ABCE1: variants seen among roughly 807,000 people sequenced by gnomAD.
ABCE1 encodes the protein ATP binding cassette subfamily E member 1.
In ABCE1, 22 loss-of-function variants were observed where a neutral mutation model predicts 83.4. The observed-to-expected ratio is 0.26, with a 90% CI of 0.19 to 0.38. The LOEUF (loss-of-function observed/expected upper bound fraction) is 0.38. Ranked by LOEUF, ABCE1 falls within the 10% of genes least tolerant of loss-of-function variation. The pLI is 1.00. For synonymous variants in ABCE1, 204 were observed against 233.7 expected (o/e 0.87, Z 1.16); for missense variants, 330 against 721.9 (o/e 0.46, Z 6.22).
chr4:145,119,187 G>A (rs946655125), intron 10 of ABCE1, among the ~76,000 whole-genome samples: 2 of 151,824 alleles, frequency 1.3e-5, no homozygotes, highest in Non-Finnish European at 3.0e-5. Flanking sequence ...CAAATAAAAT[G>A]AATAACGTCA....
At chr4:145,115,723 A>C (rs1004319597) in intron 9 of ABCE1, among the ~76,000 whole-genome samples, 2 of 151,954 alleles carry the variant, frequency 1.3e-5, no homozygotes, top group Non-Finnish European at 2.9e-5. Flanking sequence ...CAACATAGAG[A>C]TAGAACATTT....
Position 145,108,113 on chromosome 4 carries a change from G to A in ABCE1, c.287+1G>A. On this transcript the variant is annotated splice_donor_variant, in intron 4 of 17. Transcript: ENST00000296577. LOFTEE classifies it high-confidence loss of function. ...GTGCCAATGCCTTCAAACTTCACAG[G>A]TATATTTTCACATCAGGATTCCTCT... The A allele has an allele frequency of 1.9e-6, 3 of 1,610,934 alleles. No individual in the cohort carries two copies. Among genetic ancestry groups the A allele is most frequent in the Non-Finnish European group, 2.5e-6 (3 of 1,177,806 alleles).
chr4:145,120,259 C>A, intron 11 of ABCE1, 106 bp downstream of exon 11: 1 of 975,518 alleles, frequency 1.0e-6, no homozygotes, highest in Non-Finnish European at 1.5e-6. Context: ...GGGCTAGAAG[C>A]AGAGTTTTAT....
chr4:145,103,254 T>A (rs1318211199), intron 1 of ABCE1, among the ~76,000 whole-genome samples: 1 of 152,048 alleles, frequency 6.6e-6, no homozygotes, highest in African/African-American at 2.4e-5. Context: ...TTAAAAAAAA[T>A]AAAATAAAAT....
At chr4:145,108,509 C>T (rs924375611) in intron 4 of ABCE1, among the ~76,000 whole-genome samples, 1 of 152,148 alleles carries the variant, frequency 6.6e-6, no homozygotes, top group African/African-American at 2.4e-5. Flanking sequence ...ATCTTATGAT[C>T]TACAGAGAAT....
chr4:145,098,930 A>G (rs1749001536), intron 1 of ABCE1, among the ~76,000 whole-genome samples: 1 of 152,236 alleles, frequency 6.6e-6, no homozygotes, highest in African/African-American at 2.4e-5. Flanking sequence ...GTCCACTCCC[A>G]GGCTTTATAG....
chr4:145,110,760 C>A (rs1270306137), intron 7 of ABCE1: 4 of 545,068 alleles, frequency 7.3e-6, no homozygotes, highest in African/African-American at 5.8e-5. Context: ...CTGCGCCCGG[C>A]CATTTTGTGT....
At chr4:145,126,898 A>G (rs1434040725) in intron 17 of ABCE1, among the ~76,000 whole-genome samples, 1 of 152,136 alleles carries the variant, frequency 6.6e-6, no homozygotes, top group African/African-American at 2.4e-5. Flanking sequence ...CATAAAATTG[A>G]AGAGTTTTCT....
At chr4:145,108,974 GT>G (rs2126703263) in intron 4 of ABCE1, among the ~76,000 whole-genome samples, 157 bp from the exon 5 acceptor site, 1 of 152,212 alleles carries the variant, frequency 6.6e-6, no homozygotes, top group East Asian at 1.9e-4. Context: ...AATCTTGGCT[GT>G]TTTTTTCCTA....
chr4:145,122,008 G>A lies in ABCE1; in HGVS notation c.1263+617G>A, dbSNP rs529681216. The A allele has an allele frequency of 5.3e-5, 8 of 152,344 alleles. No homozygotes were observed. In the East Asian group the frequency reaches 9.6e-4, roughly 18 times the overall value. 9.4% of individuals were successfully genotyped at this position (152,344 alleles called of 1,614,324 possible). On this transcript the variant is annotated intron_variant, in intron 13 of 17. Transcript: ENST00000296577. ...TACCCACAAGATGGGAGAAACATTT[G>A]CACATCATATATCCAATAAAGGACT...
At chr4:145,108,195 G>T in intron 4 of ABCE1, 83 bp downstream of exon 4, 1 of 1,235,026 alleles carries the variant, frequency 8.1e-7, no homozygotes. Flanking sequence ...CAGAAATTGG[G>T]GGGAAATGCT....
At chr4:145,123,680 T>TA in intron 16 of ABCE1, 80 bp downstream of exon 16, 1 of 1,395,642 alleles carries the variant, frequency 7.2e-7, no homozygotes, top group East Asian at 2.5e-5. Context: ...CTTTAATTTT[T>TA]AAAAAATGAA....
In ABCE1 at chr4:145,120,065, A is replaced by G; in HGVS notation, c.1056A>G (p.Gly352=). The G allele has an allele frequency of 6.2e-7, 1 of 1,612,324 alleles. No individual in the cohort carries two copies. The highest frequency in any genetic ancestry group is 1.1e-5 in the South Asian group (1 of 90,736). ...VKKMCMYKYP[G]MKKKMGEFEL... is the part of the protein sequence containing the mutation. ...AGATGTGTATGTATAAATATCCAGG[A>G]ATGAAGAAAAAAATGGGAGAATTTG... Residue 352 remains glycine, a synonymous_variant, in exon 11 of 18, where the codon GGA becomes GGG. Transcript: ENST00000296577.
In ABCE1 at chr4:145,127,575, C is replaced by T; in HGVS notation, c.*2C>T. 1 of 1,561,800 alleles carries T rather than the reference C, an allele frequency of 6.4e-7. No homozygotes were observed. Among genetic ancestry groups the T allele is most frequent in the Non-Finnish European group, 8.6e-7 (1 of 1,162,166 alleles). On this transcript the variant is annotated 3_prime_UTR_variant, in exon 18 of 18. Coordinates refer to ENST00000296577, the MANE Select transcript of ABCE1 (RefSeq NM_002940.3). ...AACTACTTTTTCTTGGATGATTAGA[C>T]TGACTCTGAGAATATTGATAAGCCA...
chr4:145,102,940 G>C (rs547526119), intron 1 of ABCE1, among the ~76,000 whole-genome samples: 1 of 152,192 alleles, frequency 6.6e-6, no homozygotes, highest in Admixed American at 6.5e-5. Context: ...TTGAGGAGAG[G>C]GGTTAAATGA....
intron 9 of ABCE1, 97 bp downstream of exon 9, chr4:145,112,425 AT>A: frequency 3.5e-6 from 3 of 861,572 alleles, no homozygotes; most frequent in Non-Finnish European, 3.6e-6. Context: ...TGATGTACAT[AT>A]TTTTTATCTT....
chr4:145,123,433 T>C, intron 15 of ABCE1, 45 bp from the exon 16 acceptor site: 1 of 1,589,800 alleles, frequency 6.3e-7, no homozygotes, highest in Non-Finnish European at 8.6e-7. Flanking sequence ...CAGTCGAATG[T>C]TTTATGATAG....
At chr4:145,124,539 G>A (rs1461162987) in intron 16 of ABCE1, among the ~76,000 whole-genome samples, 1 of 152,056 alleles carries the variant, frequency 6.6e-6, no homozygotes, top group Non-Finnish European at 1.5e-5. Context: ...AAACGATTAA[G>A]CATAGAAATT....
At chr4:145,106,703 T>A (rs897623908) in intron 3 of ABCE1, among the ~76,000 whole-genome samples, 2 of 152,088 alleles carry the variant, frequency 1.3e-5, no homozygotes, top group Admixed American at 6.5e-5. Context: ...ACAGTGGATA[T>A]TTTTTTCCTT....
Sources: allele counts gnomAD v4.1 joint callset (sites outside exome capture counted in the v4.1 genomes callset), GRCh38; gene constraint gnomAD v4.1.1; transcripts MANE v1.5; gene names NCBI Gene and HGNC (gene_info 2026-07-23, HGNC 2026-07-21).